PCDHGA1: variants seen among roughly 807,000 people sequenced by gnomAD.
The protein encoded by PCDHGA1 is protocadherin gamma-A1.
In PCDHGA1, 32 loss-of-function variants were observed where a neutral mutation model predicts 58.0. That is an observed-to-expected ratio of 0.55 (90% CI 0.42 to 0.74). The LOEUF is 0.74. PCDHGA1 is among the 30% of genes least tolerant of loss of function. The pLI, the probability that PCDHGA1 is intolerant of heterozygous loss-of-function variation, is 0.00. For missense variants in PCDHGA1, 1,205 were observed against 1,182.3 expected (o/e 1.02, Z -0.28); for synonymous variants, 498 against 501.1 (o/e 0.99, Z 0.08).
At position 141,399,280 on chromosome 5, in the gene PCDHGA1, G is replaced by A. The variant is rs750453381; in HGVS notation, c.2421+66175G>A. ...GGAGGTTAATTGTCAATTACAAGGCGAAGTCCCTTTTAAGATTATCTCTTC... is the reference window on the plus strand; with the variant it reads ...GGAGGTTAATTGTCAATTACAAGGCAAAGTCCCTTTTAAGATTATCTCTTC... On this transcript the variant is annotated intron_variant, in intron 1 of 3. Coordinates refer to ENST00000517417, the MANE Select transcript of PCDHGA1 (RefSeq NM_018912.3). 20 of 1,613,836 alleles carry A rather than the reference G, an allele frequency of 1.2e-5. No homozygotes were observed. The highest frequency in any genetic ancestry group is 3.3e-4 in the Middle Eastern group (2 of 6,060).
At chr5:141,407,958 A>C (rs1018466165) in intron 1 of PCDHGA1, 1 of 660,632 alleles carries the variant, frequency 1.5e-6, no homozygotes, top group African/African-American at 1.8e-5. Context: ...GCCAGTGCAG[A>C]GCAAGCGCTG....
intron 1 of PCDHGA1, chr5:141,430,668 C>T (rs538633559): frequency 1.6e-6 from 2 of 1,243,872 alleles, no homozygotes; most frequent in East Asian, 2.5e-5. Context: ...GGAGCTCTGA[C>T]TTCCCAACTG....
Position 141,360,493 on chromosome 5 carries a change from G to A in PCDHGA1, c.2421+27388G>A, listed in dbSNP as rs62621827. On this transcript the variant is annotated intron_variant, in intron 1 of 3. Transcript: ENST00000517417. ...AAATCCACTAAATATTTTCTACATA[G>A]CAGTAATTGTGCAGGATATAAATGA... 2,547 of 1,613,892 alleles carry A rather than the reference G, an allele frequency of 1.6e-3. 41 individuals are homozygous for A. In the African/African-American group the frequency reaches 0.029, roughly 18 times the overall value.
At position 141,486,367 on chromosome 5, in the gene PCDHGA1, G is replaced by A; in HGVS notation, c.2422-8440G>A. On this transcript the variant is annotated intron_variant, in intron 1 of 3. Coordinates refer to ENST00000517417, the MANE Select transcript of PCDHGA1 (RefSeq NM_018912.3). This position sits in a 1 kb window ranked among gnomAD's most constrained non-coding sequence, Gnocchi z 5.0. Reference sequence around the variant, plus strand: ...CTGACCACTTGCCATTTGCCCTCAAGTCTGCCTTCAGGAACCAGTTCTCCC... The same window carrying A: ...CTGACCACTTGCCATTTGCCCTCAAATCTGCCTTCAGGAACCAGTTCTCCC... 1 of 1,614,148 alleles carries A rather than the reference G, an allele frequency of 6.2e-7. No individual in the cohort carries two copies. Among genetic ancestry groups the A allele is most frequent in the Non-Finnish European group, 8.5e-7 (1 of 1,180,022 alleles).
intron 1 of PCDHGA1, chr5:141,409,236 C>T (rs1305954301): frequency 1.2e-6 from 2 of 1,613,866 alleles, no homozygotes; most frequent in Non-Finnish European, 8.5e-7. Flanking sequence ...GACAACAGCC[C>T]AGAAATAATC....
chr5:141,472,339 A>T (rs1330302365), intron 1 of PCDHGA1, among the ~76,000 whole-genome samples: 1 of 151,906 alleles, frequency 6.6e-6, no homozygotes, highest in Non-Finnish European at 1.5e-5. Flanking sequence ...TGGGAGATCG[A>T]GACCATCCTG....
At chr5:141,408,885 T>G in intron 1 of PCDHGA1, 1 of 1,613,020 alleles carries the variant, frequency 6.2e-7, no homozygotes, top group Middle Eastern at 1.6e-4. Context: ...ACCGCTCACA[T>G]AGAAATTTCT....
At chr5:141,472,855 A>C (rs1179268125) in intron 1 of PCDHGA1, among the ~76,000 whole-genome samples, 3 of 151,078 alleles carry the variant, frequency 2.0e-5, no homozygotes, top group African/African-American at 7.3e-5. Flanking sequence ...GCATGGTGGC[A>C]CATGCCTGTA....
intron 1 of PCDHGA1, chr5:141,365,374 C>T: frequency 6.2e-7 from 1 of 1,613,926 alleles, no homozygotes; most frequent in Non-Finnish European, 8.5e-7. Context: ...CCGAAGTGAT[C>T]CTCACCTCTC....
chr5:141,394,115 T>A, intron 1 of PCDHGA1: 1 of 1,613,954 alleles, frequency 6.2e-7, no homozygotes, highest in Non-Finnish European at 8.5e-7. Context: ...CTCTGTCCAC[T>A]GAAACTCAAA....
intron 1 of PCDHGA1, chr5:141,384,103 T>A (rs1305926581): frequency 6.2e-7 from 1 of 1,600,344 alleles, no homozygotes; most frequent in Non-Finnish European, 8.5e-7. Flanking sequence ...AGATAATTAT[T>A]ATAGATTGGT....
At chr5:141,449,531 G>A (rs1421489293) in intron 1 of PCDHGA1, among the ~76,000 whole-genome samples, 2 of 149,216 alleles carry the variant, frequency 1.3e-5, no homozygotes, top group Admixed American at 6.7e-5. Flanking sequence ...GGAGGTTGCA[G>A]TGAGCCGAGA....
Position 141,422,522 on chromosome 5 carries a change from C to T in PCDHGA1, c.2422-72285C>T, listed in dbSNP as rs767482856. On this transcript the variant is annotated intron_variant, in intron 1 of 3. Coordinates refer to ENST00000517417, the MANE Select transcript of PCDHGA1 (RefSeq NM_018912.3). Reference sequence around the variant, plus strand: ...ACAGCCACAGACCAGGGAAGCCCGCCTTTGTCTGCAGAAACTCATGTCTGG... The same window carrying T: ...ACAGCCACAGACCAGGGAAGCCCGCTTTTGTCTGCAGAAACTCATGTCTGG... 11 of 1,614,014 alleles carry T rather than the reference C, an allele frequency of 6.8e-6. No homozygotes were observed. In the South Asian group the frequency reaches 1.1e-4, roughly 16 times the overall value.
chr5:141,382,997 A>G lies in PCDHGA1; in HGVS notation c.2421+49892A>G, dbSNP rs1209270277. On this transcript the variant is annotated intron_variant, in intron 1 of 3. Transcript: ENST00000517417. Reference sequence around the variant, plus strand: ...GAAGCCTGGGCAGGACGTATTCTCTACTCCGTGTCGGAGGAGACGGACAAA... The same window carrying G: ...GAAGCCTGGGCAGGACGTATTCTCTGCTCCGTGTCGGAGGAGACGGACAAA... 1 of 1,613,426 alleles carries G rather than the reference A, an allele frequency of 6.2e-7. No individual in the cohort carries two copies. Among genetic ancestry groups the G allele is most frequent in the Non-Finnish European group, 8.5e-7 (1 of 1,179,728 alleles).
chr5:141,357,804 G>A (rs1465352721), intron 1 of PCDHGA1: 15 of 778,760 alleles, frequency 1.9e-5, no homozygotes, highest in Admixed American at 3.0e-5. Context: ...CAAAAATGTT[G>A]TTTATTACTT....
At position 141,486,791 on chromosome 5, in the gene PCDHGA1, C is replaced by T. The variant is rs766519569; in HGVS notation, c.2422-8016C>T. 1.8e-5 allele frequency: 29 copies of T among 1,614,108 alleles called. No homozygotes were observed. The highest frequency in any genetic ancestry group is 2.2e-5 in the Non-Finnish European group (26 of 1,180,054). On this transcript the variant is annotated intron_variant, in intron 1 of 3. Coordinates refer to ENST00000517417, the MANE Select transcript of PCDHGA1 (RefSeq NM_018912.3). The surrounding 1 kb of genome is among the most constrained non-coding windows in gnomAD (Gnocchi z 5.0). ...GCAGTTTGAGGTGCAGGCCCGGGAT[C>T]GGGGCAACCCACCCCTTAGCAGCAC...
chr5:141,413,117 C>A, intron 1 of PCDHGA1: 1 of 1,509,120 alleles, frequency 6.6e-7, no homozygotes, highest in Non-Finnish European at 8.9e-7. Context: ...ACAAAGGAAC[C>A]GGTTGAAACA....
chr5:141,385,157 A>G (rs1338074749), intron 1 of PCDHGA1: 1 of 1,614,208 alleles, frequency 6.2e-7, no homozygotes, highest in East Asian at 2.2e-5. Flanking sequence ...CTGCAGACCT[A>G]TTCCCATGAG....
chr5:141,364,518 G>A (rs769955902), intron 1 of PCDHGA1: 11 of 1,614,038 alleles, frequency 6.8e-6, no homozygotes, highest in Non-Finnish European at 9.3e-6. Context: ...GCGGAGCGCG[G>A]AGTCCGCATC....
Sources: gnomAD v4.1 joint callset for allele counts (sites outside exome capture counted in the v4.1 genomes callset) on GRCh38, gnomAD v4.1.1 for gene constraint, Gnocchi (gnomAD v3.1) non-coding constraint, MANE v1.5 for transcripts, NCBI Gene and HGNC (gene_info 2026-07-23, HGNC 2026-07-21) for gene names.